The following AFDN variants were observed in gnomAD, a reference collection of about 807,000 sequenced individuals.
AFDN encodes the protein afadin.
In AFDN, 68 loss-of-function variants were observed where a neutral mutation model predicts 216.6. That is an observed-to-expected ratio of 0.31 (90% CI 0.26 to 0.38). The LOEUF (loss-of-function observed/expected upper bound fraction) is 0.38. Ranked by LOEUF, AFDN falls within the 10% of genes least tolerant of loss-of-function variation. AFDN has a pLI of 1.00. For synonymous variants in AFDN, 868 were observed against 853.7 expected (o/e 1.02, Z -0.29); for missense variants, 2,136 against 2,342.0 (o/e 0.91, Z 1.82).
At chr6:167,912,759 C>T (rs1790564780) in intron 15 of AFDN, among the ~76,000 whole-genome samples, 1 of 152,128 alleles carries the variant, frequency 6.6e-6, no homozygotes, top group African/African-American at 2.4e-5. Flanking sequence ...AGTGAAATCA[C>T]CATTATCAAA....
chr6:167,847,631 CTACT>C (rs759666773), intron 1 of AFDN, among the ~76,000 whole-genome samples: 3 of 152,160 alleles, frequency 2.0e-5, no homozygotes, highest in Non-Finnish European at 2.9e-5. Flanking sequence ...TCTGTCAGCT[CTACT>C]TTCAAAATAT....
rs368038950 is a variant in AFDN at position 167,877,904 on chromosome 6, GA to G, written c.739+2410del. 2.6e-3 allele frequency among the ~76,000 whole-genome samples: 400 copies of G among 152,186 alleles called. 2 individuals carry two copies. The highest frequency in any genetic ancestry group is 9.4e-3 in the African/African-American group (389 of 41,532). On this transcript the variant is annotated intron_variant, in intron 5 of 33. Transcript: ENST00000683244. ...TTTTTGTTAAACTCACCTCACAGCT[GA>G]TCAGGCATCACAATTCATAACAAGC...
At chr6:167,873,633 G>T (rs915619818) in intron 4 of AFDN, among the ~76,000 whole-genome samples, 2 of 152,162 alleles carry the variant, frequency 1.3e-5, no homozygotes, top group Non-Finnish European at 2.9e-5. Flanking sequence ...AGACAGCCCC[G>T]TACTGTCATG....
At chr6:167,923,236 AAACATATTAATATGAT>A (rs1288048512) in intron 22 of AFDN, 1 of 235,612 alleles carries the variant, frequency 4.2e-6, no homozygotes, top group Non-Finnish European at 8.1e-6. Flanking sequence ...ACATATTTTA[AAACATATTAATATGAT>A]AACCTTAAAA....
In AFDN at chr6:167,922,852, T is replaced by C. The variant is rs749215564; in HGVS notation, c.2909-4T>C. On this transcript the variant is annotated splice_region_variant and splice_polypyrimidine_tract_variant and intron_variant, in intron 21 of 33. Coordinates refer to ENST00000683244, the MANE Select transcript of AFDN (RefSeq NM_001386888.1). Reference sequence around the variant, plus strand: ...CACTTACAATTTGCTTGTTTCCTCCTTAGGATTTTGCAGGTTAATTCCTCA... The same window carrying C: ...CACTTACAATTTGCTTGTTTCCTCCCTAGGATTTTGCAGGTTAATTCCTCA... 6.2e-7 allele frequency: 1 copy of C among 1,601,776 alleles called. No homozygotes were observed. The highest frequency in any genetic ancestry group is 8.5e-7 in the Non-Finnish European group (1 of 1,170,994).
At chr6:167,963,918 T>A in intron 31 of AFDN, 1 of 1,064,642 alleles carries the variant, frequency 9.4e-7, no homozygotes, top group Non-Finnish European at 1.1e-6. Flanking sequence ...GCTGTGCTTT[T>A]CCAGGTCAGT....
chr6:167,843,564 A>G lies in AFDN; in HGVS notation c.105+16327A>G, dbSNP rs112166400. Among the ~76,000 whole-genome samples, 119 of 152,382 alleles carry G rather than the reference A, an allele frequency of 7.8e-4. 2 individuals carry two copies. Among genetic ancestry groups the G allele is most frequent in the Non-Finnish European group, 1.1e-3 (72 of 68,034 alleles). On this transcript the variant is annotated intron_variant, in intron 1 of 33. Coordinates refer to ENST00000683244, the MANE Select transcript of AFDN (RefSeq NM_001386888.1). ...TGGATAATTGAAGAATGCATGCATT[A>G]AGAAATTAATGAAAGTTGATCGGTA...
Position 167,947,839 on chromosome 6 carries a change from C to T in AFDN, c.3554-14C>T. ...TAATATTACACTTTTTTTTTTCCCCCCTGACTTGAGCAGATCAGCCTCCTA... is the reference window on the plus strand; with the variant it reads ...TAATATTACACTTTTTTTTTTCCCCTCTGACTTGAGCAGATCAGCCTCCTA... On this transcript the variant is annotated splice_polypyrimidine_tract_variant and intron_variant, in intron 27 of 33. Transcript: ENST00000683244. The T allele has an allele frequency of 6.3e-7, 1 of 1,578,306 alleles. No individual in the cohort carries two copies. Among genetic ancestry groups the T allele is most frequent in the Non-Finnish European group, 8.7e-7 (1 of 1,154,622 alleles).
At chr6:167,947,175 AT>A (rs75948172) in intron 27 of AFDN, among the ~76,000 whole-genome samples, 21,753 of 146,560 alleles carry the variant, frequency 0.15, 1,918 homozygotes, top group African/African-American at 0.25. Context: ...TATGTTTTAC[AT>A]TTTTTTTTTT....
chr6:167,888,633 G>T (rs1465292959), intron 6 of AFDN, among the ~76,000 whole-genome samples: 2 of 152,178 alleles, frequency 1.3e-5, no homozygotes, highest in Non-Finnish European at 2.9e-5. Flanking sequence ...TATGAATTAG[G>T]AGTTCAATGA....
intron 1 of AFDN, among the ~76,000 whole-genome samples, chr6:167,856,049 T>C (rs1343209086): frequency 6.6e-6 from 1 of 152,174 alleles, no homozygotes; most frequent in African/African-American, 2.4e-5. Context: ...TCCAGCTATG[T>C]TCCACCCGGG....
chr6:167,875,296 CAG>C lies in AFDN; in HGVS notation c.579-38_579-37del, dbSNP rs766267908. On this transcript the variant is annotated intron_variant, in intron 4 of 33. Transcript: ENST00000683244. ...AATGTGTCTATTTCTAATAAGAAAA[CAG>C]TGTTTAAAATATTTTTGGTATTTTT... 74 of 1,579,158 alleles carry C rather than the reference CAG, an allele frequency of 4.7e-5. No homozygotes were observed. In the African/African-American group the frequency reaches 8.3e-4, roughly 18 times the overall value.
chr6:167,863,207 A>C (rs1783791109), intron 1 of AFDN, among the ~76,000 whole-genome samples: 1 of 152,246 alleles, frequency 6.6e-6, no homozygotes, highest in Non-Finnish European at 1.5e-5. Flanking sequence ...AGATTCTCAG[A>C]TCAGACATGC....
At chr6:167,872,507 T>A in intron 4 of AFDN, 130 bp downstream of exon 4, 1 of 973,956 alleles carries the variant, frequency 1.0e-6, no homozygotes, top group Non-Finnish European at 1.6e-6. Flanking sequence ...TGTTTGGGTC[T>A]ACTCCCAGCT....
intron 1 of AFDN, among the ~76,000 whole-genome samples, chr6:167,848,567 TCTGTA>T (rs1369234797): frequency 6.6e-6 from 1 of 152,200 alleles, no homozygotes; most frequent in Non-Finnish European, 1.5e-5. Context: ...CATGTTTTCT[TCTGTA>T]CTGATGTAAA....
At chr6:167,929,322 A>G (rs185136791) in intron 23 of AFDN, among the ~76,000 whole-genome samples, 1 of 152,284 alleles carries the variant, frequency 6.6e-6, no homozygotes, top group African/African-American at 2.4e-5. Flanking sequence ...TAGTACTTCT[A>G]ACTGGGTTGT....
At chr6:167,943,863 T>C in intron 25 of AFDN, 78 bp from the exon 26 acceptor site, 3 of 1,186,000 alleles carry the variant, frequency 2.5e-6, no homozygotes, top group South Asian at 1.3e-5. Context: ...GATTTTCCAT[T>C]GCTATAATCA....
chr6:167,859,928 T>C (rs1783350214), intron 1 of AFDN, among the ~76,000 whole-genome samples: 1 of 151,992 alleles, frequency 6.6e-6, no homozygotes, highest in Non-Finnish European at 1.5e-5. Context: ...AAGGTAAATG[T>C]TTACCAAACA....
intron 4 of AFDN, 104 bp downstream of exon 4, chr6:167,872,481 TATCA>T: frequency 8.0e-7 from 1 of 1,256,510 alleles, no homozygotes; most frequent in African/African-American, 1.5e-5. Flanking sequence ...AAAGGATGAG[TATCA>T]GTCAGGAAAT....
Sources: gnomAD v4.1 joint callset for allele counts (sites outside exome capture counted in the v4.1 genomes callset) on GRCh38, gnomAD v4.1.1 for gene constraint, MANE v1.5 for transcripts, NCBI Gene and HGNC (gene_info 2026-07-23, HGNC 2026-07-21) for gene names.